Variants in CDK5RAP2 observed in about 807,000 individuals in gnomAD.
The protein encoded by CDK5RAP2 is CDK5 regulatory subunit associated protein 2.
Under a neutral mutation model 232.9 loss-of-function variants are expected in CDK5RAP2, and 147 were observed. The observed-to-expected ratio is 0.63, with a 90% confidence interval of 0.55 to 0.72. The LOEUF is 0.72. Ranked by LOEUF, CDK5RAP2 falls within the 30% of genes least tolerant of loss-of-function variation. CDK5RAP2 has a pLI of 0.00. For missense variants in CDK5RAP2, 2,195 were observed against 2,231.5 expected (o/e 0.98, Z 0.33); for synonymous variants, 833 against 833.7 (o/e 1.00, Z 0.01).
In CDK5RAP2 at chr9:120,497,326, T is replaced by G. The variant is rs2039337664; in HGVS notation, c.1312-5849A>C. On this transcript the variant is annotated intron_variant, in intron 12 of 37. Transcript: ENST00000349780. Reference sequence around the variant, plus strand: ...AAAACCAGAGACCTTTGTTCACTTGTTTATCTGCTGACCTTCCCTCCACTA... The same window carrying G: ...AAAACCAGAGACCTTTGTTCACTTGGTTATCTGCTGACCTTCCCTCCACTA... Among the ~76,000 whole-genome samples, 6 of 116,448 alleles carry G rather than the reference T, an allele frequency of 5.2e-5. No individual in the cohort carries two copies. The South Asian group carries it at 1.6e-3, about 31-fold the overall frequency. The allele number at this position is 116,448 out of a possible 152,430, so 76.4% of individuals were successfully genotyped here. A position where few individuals can be genotyped will look rare whatever the true frequency, so the allele number is the denominator to read the frequency against.
intron 11 of CDK5RAP2, among the ~76,000 whole-genome samples, chr9:120,519,582 C>G (rs996336911): frequency 2.0e-5 from 3 of 152,202 alleles, no homozygotes; most frequent in African/African-American, 7.2e-5. Context: ...CAATCCTACA[C>G]AAAAAATACT....
Position 120,453,693 on chromosome 9 carries a change from A to G in CDK5RAP2, c.2556T>C (p.Ser852=), listed in dbSNP as rs763454925. The change falls in exon 21 of 38, where the codon TCT becomes TCC. Residue 852 remains serine (S), a synonymous_variant. Coordinates refer to ENST00000349780, the MANE Select transcript of CDK5RAP2 (RefSeq NM_018249.6). ...CTGCCTTTACTAGCTGGGCCTCACAAGACAACTTCAGTTCATCATGTGGCT... is the reference window on the plus strand; with the variant it reads ...CTGCCTTTACTAGCTGGGCCTCACAGGACAACTTCAGTTCATCATGTGGCT... ...FSKPHDELKL[S]CEAQLVKAGE... 1.2e-6 allele frequency: 2 copies of G among 1,614,232 alleles called. No homozygotes were observed. The highest frequency in any genetic ancestry group is 1.7e-6 in the Non-Finnish European group (2 of 1,180,038).
In CDK5RAP2 at chr9:120,458,358, A is replaced by C. The variant is rs1588392947; in HGVS notation, c.2375+92T>G. ...TTTCAGGAGCTCTCTCAGGTAAATT[A>C]CACAGCACGATCATCTAAACCCATT... On this transcript the variant is annotated intron_variant, in intron 20 of 37. Coordinates refer to ENST00000349780, the MANE Select transcript of CDK5RAP2 (RefSeq NM_018249.6). 3 of 1,246,182 alleles carry C rather than the reference A, an allele frequency of 2.4e-6. No homozygotes were observed. In the South Asian group the frequency reaches 3.7e-5, roughly 15 times the overall value. 77.2% of individuals were successfully genotyped at this position (1,246,182 alleles called of 1,614,324 possible).
At chr9:120,506,230 C>A (rs999224476) in intron 12 of CDK5RAP2, among the ~76,000 whole-genome samples, 7 of 152,206 alleles carry the variant, frequency 4.6e-5, no homozygotes, top group African/African-American at 1.7e-4. Flanking sequence ...TACAATGGAA[C>A]AACAAAGCCT....
intron 21 of CDK5RAP2, among the ~76,000 whole-genome samples, chr9:120,451,788 T>C (rs962956231): frequency 6.6e-6 from 1 of 151,140 alleles, no homozygotes; most frequent in African/African-American, 2.4e-5. Context: ...CTATATTTCT[T>C]CATAAGTAAA....
intron 20 of CDK5RAP2, among the ~76,000 whole-genome samples, chr9:120,454,323 A>G (rs560761270): frequency 2.6e-5 from 4 of 152,380 alleles, no homozygotes; most frequent in African/African-American, 9.6e-5. Context: ...TGGCTGGTCC[A>G]TCGATGACCT....
At position 120,445,450 on chromosome 9, in the gene CDK5RAP2, C is replaced by T. The variant is rs575546865; in HGVS notation, c.3026-1708G>A. On this transcript the variant is annotated intron_variant, in intron 22 of 37. Transcript: ENST00000349780. ...TGCTTTACGGTATAATTCCTCAGGG[C>T]TGTCCATGCTTGCTGTCTCCAATCT... Among the ~76,000 whole-genome samples, 8 of 152,298 alleles carry T rather than the reference C, an allele frequency of 5.3e-5. No individual in the cohort carries two copies. In the East Asian group the frequency reaches 1.5e-3, roughly 29 times the overall value.
chr9:120,449,832 T>G (rs191193755), intron 21 of CDK5RAP2, among the ~76,000 whole-genome samples: 15 of 152,324 alleles, frequency 9.8e-5, no homozygotes, highest in African/African-American at 3.6e-4. Context: ...CACTACTTCA[T>G]ACCTATTAGA....
chr9:120,521,882 T>G (rs551040028), intron 11 of CDK5RAP2, among the ~76,000 whole-genome samples: 1 of 152,250 alleles, frequency 6.6e-6, no homozygotes, highest in South Asian at 2.1e-4. Flanking sequence ...CCTGACCTCG[T>G]GATCCACCTG....
At chr9:120,507,724 C>G (rs1470166999) in intron 12 of CDK5RAP2, among the ~76,000 whole-genome samples, 1 of 151,460 alleles carries the variant, frequency 6.6e-6, no homozygotes, top group African/African-American at 2.4e-5. Flanking sequence ...TATCCTACAC[C>G]AGACTACTGC....
At chr9:120,496,657 C>G (rs867439983) in intron 12 of CDK5RAP2, among the ~76,000 whole-genome samples, 344 of 142,788 alleles carry the variant, frequency 2.4e-3, no homozygotes, top group African/African-American at 8.1e-3. Context: ...GCCCCTCTGC[C>G]CGGCCAGCCG....
In CDK5RAP2 at chr9:120,419,839, G is replaced by C. The variant is rs755247275; in HGVS notation, c.4126C>G (p.Gln1376Glu). Residue 1376 changes from glutamine to glutamate, a missense_variant, in exon 27 of 38, where the codon CAA (glutamine) becomes GAA (glutamate). Coordinates refer to ENST00000349780, the MANE Select transcript of CDK5RAP2 (RefSeq NM_018249.6). ...EKSFFSRDQK[Q>E]DNETEKTSVM... is the part of the protein sequence containing the mutation. ...GAAGTCTTCTCTGTCTCATTATCTT[G>C]CTTCTGGTCTCGTGAGAAGAAGGAC... 1.2e-6 allele frequency: 2 copies of C among 1,613,686 alleles called. No homozygotes were observed. The highest frequency in any genetic ancestry group is 1.7e-6 in the Non-Finnish European group (2 of 1,179,712).
intron 11 of CDK5RAP2, among the ~76,000 whole-genome samples, chr9:120,521,843 C>T (rs1011110006): frequency 5.9e-5 from 9 of 151,972 alleles, no homozygotes; most frequent in Non-Finnish European, 1.0e-4. Context: ...TACTGGGTTT[C>T]GCCATGTTAG....
intron 14 of CDK5RAP2, among the ~76,000 whole-genome samples, chr9:120,484,272 A>T (rs1410413396): frequency 6.6e-6 from 1 of 152,256 alleles, no homozygotes; most frequent in African/African-American, 2.4e-5. Context: ...AGAAAGAACT[A>T]CGATCTGAAA....
In CDK5RAP2 at chr9:120,396,688, G is replaced by A. The variant is rs553471486; in HGVS notation, c.5452-2050C>T. Among the ~76,000 whole-genome samples the A allele has an allele frequency of 5.9e-5, 9 of 152,274 alleles. No homozygotes were observed. In the South Asian group the frequency reaches 6.2e-4, roughly 11 times the overall value. On this transcript the variant is annotated intron_variant, in intron 35 of 37. Transcript: ENST00000349780. ...CTCCCTCTAACCACCAGTGTCTGGC[G>A]CAGAGTAGGTGCTGTGACACCATTT...
chr9:120,568,386 G>A lies in CDK5RAP2; in HGVS notation c.130C>T (p.Leu44Phe). The part of the protein sequence containing the change: ...NPNAGLGNGL[L>F]PNVSEETVSP... Reference sequence around the variant, plus strand: ...ACTGTTTCTTCTGACACATTTGGGAGCACTGTAAAAAGGTAAAATAGAGGA... The same window carrying A: ...ACTGTTTCTTCTGACACATTTGGGAACACTGTAAAAAGGTAAAATAGAGGA... The change falls in exon 3 of 38, where the codon CTC becomes TTC. Residue 44 changes from leucine (L) to phenylalanine (F), a missense_variant and splice_region_variant. Leu to Phe is a conservative substitution (Grantham distance 22). Coordinates refer to ENST00000349780, the MANE Select transcript of CDK5RAP2 (RefSeq NM_018249.6). 6.2e-7 allele frequency: 1 copy of A among 1,612,044 alleles called. No individual in the cohort carries two copies. The highest frequency in any genetic ancestry group is 8.5e-7 in the Non-Finnish European group (1 of 1,178,092).
intron 1 of CDK5RAP2, among the ~76,000 whole-genome samples, chr9:120,577,906 TATG>T (rs773793032): frequency 6.6e-6 from 1 of 152,286 alleles, no homozygotes; most frequent in Non-Finnish European, 1.5e-5. Flanking sequence ...TAATGGAAGT[TATG>T]ATAACAGCAA....
chr9:120,494,191 AAT>A (rs1476404641), intron 12 of CDK5RAP2, among the ~76,000 whole-genome samples: 8 of 132,632 alleles, frequency 6.0e-5, no homozygotes, highest in African/African-American at 3.5e-4. Context: ...AAGACATAGA[AAT>A]ATAAATATAC....
rs200811652 is a variant in CDK5RAP2 at position 120,448,110 on chromosome 9, C to T, written c.2810G>A (p.Arg937His). 42 of 1,613,812 alleles carry T rather than the reference C, an allele frequency of 2.6e-5. No homozygotes were observed. Among genetic ancestry groups the T allele is most frequent in the Non-Finnish European group, 3.3e-5 (39 of 1,179,836 alleles). Reference protein sequence around the residue: ...GITNREAKKSRLPILIKPSRS... With the variant: ...GITNREAKKSHLPILIKPSRS... ...GGATGGTTTTATTAGGATTGGCAAG[C>T]GGGACTTCTTAGCCTCCTGAAAACA... The change falls in exon 22 of 38, where the codon CGC (arginine) becomes CAC (histidine). Residue 937 changes from arginine (R) to histidine (H), a missense_variant. By Grantham distance (29) the Arg-to-His change is conservative (BLOSUM62 0). Coordinates refer to ENST00000349780, the MANE Select transcript of CDK5RAP2 (RefSeq NM_018249.6).
Sources: gnomAD v4.1 joint callset for allele counts (sites outside exome capture counted in the v4.1 genomes callset) on GRCh38, gnomAD v4.1.1 for gene constraint, MANE v1.5 for transcripts, NCBI Gene and HGNC (gene_info 2026-07-23, HGNC 2026-07-21) for gene names.